Variants in SORCS2 observed in about 807,000 individuals in gnomAD.
SORCS2 encodes the protein sortilin related VPS10 domain containing receptor 2.
Under a neutral mutation model 141.6 loss-of-function variants are expected in SORCS2, and 100 were observed. That is an observed-to-expected ratio of 0.71 (90% CI 0.60 to 0.83). SORCS2 has a LOEUF of 0.83. Ranked by LOEUF, SORCS2 falls within the 40% of genes least tolerant of loss-of-function variation. The probability of loss-of-function intolerance (pLI) is 0.00; values close to 1 mark genes in which losing one functional copy is unlikely to be tolerated. For missense variants in SORCS2, 1,646 were observed against 1,560.2 expected (o/e 1.05, Z -0.93); for synonymous variants, 789 against 676.9 (o/e 1.17, Z -2.57).
At chr4:7,653,788 T>C (rs575083876) in intron 4 of SORCS2, among the ~76,000 whole-genome samples, 1 of 152,210 alleles carries the variant, frequency 6.6e-6, no homozygotes, top group Non-Finnish European at 1.5e-5. Context: ...TGGCAACACG[T>C]GGCTCCTTCC....
At chr4:7,212,900 G>C (rs980754385) in intron 1 of SORCS2, among the ~76,000 whole-genome samples, 1 of 152,242 alleles carries the variant, frequency 6.6e-6, no homozygotes, top group Non-Finnish European at 1.5e-5. Flanking sequence ...CAGCAGTCTT[G>C]AACCTCTTCT....
intron 2 of SORCS2, chr4:7,433,260 A>C (rs1727008077): frequency 7.6e-7 from 1 of 1,323,702 alleles, no homozygotes; most frequent in Non-Finnish European, 9.6e-7. Flanking sequence ...GGGATGGGGA[A>C]AGCACCCACC....
chr4:7,306,318 G>C (rs1717830389), intron 1 of SORCS2, among the ~76,000 whole-genome samples: 1 of 152,126 alleles, frequency 6.6e-6, no homozygotes. Context: ...GGGTGGAGGG[G>C]GAGGGCGGCA....
intron 8 of SORCS2, 122 bp from the exon 9 acceptor site, chr4:7,675,928 C>T (rs1723072775): frequency 8.7e-7 from 1 of 1,155,590 alleles, no homozygotes. Context: ...AAACCTAGGC[C>T]AGGCTGGCTC....
At chr4:7,584,432 CA>C (rs1716393869) in intron 3 of SORCS2, among the ~76,000 whole-genome samples, 2 of 152,180 alleles carry the variant, frequency 1.3e-5, no homozygotes, top group African/African-American at 4.8e-5. Context: ...CACAGATACT[CA>C]GTAGACATTT....
At chr4:7,245,922 A>G (rs1264722792) in intron 1 of SORCS2, among the ~76,000 whole-genome samples, 7 of 152,198 alleles carry the variant, frequency 4.6e-5, no homozygotes. Context: ...CTCAAGTGCT[A>G]AGAGTAAATG....
At chr4:7,283,242 C>G (rs1282150275) in intron 1 of SORCS2, among the ~76,000 whole-genome samples, 1 of 152,198 alleles carries the variant, frequency 6.6e-6, no homozygotes, top group Non-Finnish European at 1.5e-5. Flanking sequence ...TGACATAAAG[C>G]AGCTGAGAGT....
At chr4:7,287,365 G>A (rs549238636) in intron 1 of SORCS2, among the ~76,000 whole-genome samples, 11 of 152,358 alleles carry the variant, frequency 7.2e-5, no homozygotes, top group African/African-American at 2.6e-4. Context: ...GCGTCCCAAC[G>A]GGTTCTCAGT....
At chr4:7,368,014 G>T (rs538051430) in intron 1 of SORCS2, among the ~76,000 whole-genome samples, 226 of 152,334 alleles carry the variant, frequency 1.5e-3, no homozygotes, top group African/African-American at 5.2e-3. Flanking sequence ...GCTTCATGGA[G>T]ACTTAGGGGA....
intron 26 of SORCS2, 151 bp downstream of exon 26, chr4:7,737,323 C>T: frequency 9.5e-7 from 1 of 1,055,576 alleles, no homozygotes; most frequent in East Asian, 2.7e-5. Flanking sequence ...CGGTCGGGCC[C>T]ACTGTGTCCC....
intron 10 of SORCS2, among the ~76,000 whole-genome samples, chr4:7,688,482 C>G (rs1261342173): frequency 1.3e-5 from 2 of 152,138 alleles, no homozygotes; most frequent in Non-Finnish European, 2.9e-5. Flanking sequence ...AGTATCTTGC[C>G]CAGGGGAAGG....
chr4:7,602,200 G>C (rs1339920806), intron 3 of SORCS2, among the ~76,000 whole-genome samples: 2 of 152,198 alleles, frequency 1.3e-5, no homozygotes, highest in Non-Finnish European at 2.9e-5. Context: ...TCCCAGACGG[G>C]GTGGCTGCCG....
intron 19 of SORCS2, among the ~76,000 whole-genome samples, chr4:7,724,590 GTT>G (rs1726965783): frequency 1.4e-5 from 1 of 69,516 alleles, no homozygotes; most frequent in African/African-American, 6.5e-5. Context: ...TGGTGGTGGT[GTT>G]GGTGATGGTG....
At chr4:7,518,229 A>T (rs749982031) in intron 2 of SORCS2, among the ~76,000 whole-genome samples, 1 of 152,160 alleles carries the variant, frequency 6.6e-6, no homozygotes, top group Non-Finnish European at 1.5e-5. Flanking sequence ...GCATTTATTG[A>T]TCGTATGTGG....
chr4:7,291,992 G>T (rs558142409), intron 1 of SORCS2, among the ~76,000 whole-genome samples: 1 of 152,292 alleles, frequency 6.6e-6, no homozygotes, highest in African/African-American at 2.4e-5. Context: ...GTAGGGAGAT[G>T]GTGCTCCTAA....
chr4:7,288,800 G>GC lies in SORCS2; in HGVS notation c.480+95674_480+95675insC, dbSNP rs55981633. Among the ~76,000 whole-genome samples, 52 of 119,396 alleles carry GC rather than the reference G, an allele frequency of 4.4e-4. 3 individuals are homozygous for GC. The highest frequency in any genetic ancestry group is 8.8e-3 in the Middle Eastern group (2 of 226). The allele number at this position is 119,396 out of a possible 152,430, so 78.3% of individuals were successfully genotyped here. ...AGGAATTCATGTGGGGTGGGGGGGG[G>GC]AGTTGGGGAGGGCACAGTTCAGTCT... On this transcript the variant is annotated intron_variant, in intron 1 of 26. Transcript: ENST00000507866.
intron 1 of SORCS2, among the ~76,000 whole-genome samples, chr4:7,284,414 A>C (rs1333108377): frequency 6.6e-6 from 1 of 152,194 alleles, no homozygotes; most frequent in African/African-American, 2.4e-5. Flanking sequence ...CAAGCTGTGC[A>C]CAGCCTTCAG....
At chr4:7,640,652 C>A (rs879705627) in intron 4 of SORCS2, among the ~76,000 whole-genome samples, 1 of 151,926 alleles carries the variant, frequency 6.6e-6, no homozygotes, top group Non-Finnish European at 1.5e-5. Context: ...ATCCCAACTG[C>A]AGGCTCCCTT....
intron 14 of SORCS2, among the ~76,000 whole-genome samples, chr4:7,704,656 C>T (rs1560497481): frequency 6.6e-6 from 1 of 152,250 alleles, no homozygotes; most frequent in Non-Finnish European, 1.5e-5. Context: ...GCCCGGCTTC[C>T]TTCTGCTCAG....
Sources: allele counts gnomAD v4.1 joint callset (sites outside exome capture counted in the v4.1 genomes callset), GRCh38; gene constraint gnomAD v4.1.1; transcripts MANE v1.5; gene names NCBI Gene and HGNC (gene_info 2026-07-23, HGNC 2026-07-21).